The following SHC3 variants were observed in gnomAD, a reference collection of about 807,000 sequenced individuals.
The protein encoded by SHC3 is SHC adaptor protein 3.
SHC3 carries 15 observed loss-of-function variants against 60.4 expected under a neutral mutation model. That is an observed-to-expected ratio of 0.25 (90% CI 0.17 to 0.38). The LOEUF (loss-of-function observed/expected upper bound fraction) is 0.38. Ranked by LOEUF, SHC3 falls within the 10% of genes least tolerant of loss-of-function variation. The pLI is 1.00. For synonymous variants in SHC3, 294 were observed against 325.9 expected (o/e 0.90, Z 1.05); for missense variants, 677 against 786.1 (o/e 0.86, Z 1.66).
chr9:89,113,375 T>C (rs903520115), intron 1 of SHC3, among the ~76,000 whole-genome samples: 11 of 152,104 alleles, frequency 7.2e-5, no homozygotes, highest in Admixed American at 5.2e-4. Context: ...TTTAGATAAA[T>C]GCCTTAGATT....
chr9:89,164,883 T>C (rs993866017), intron 1 of SHC3, among the ~76,000 whole-genome samples: 7 of 152,036 alleles, frequency 4.6e-5, no homozygotes, highest in East Asian at 1.9e-4. Flanking sequence ...ACCAATAGAA[T>C]TGATAACTGC....
At chr9:89,131,820 C>G (rs1587744409) in intron 1 of SHC3, among the ~76,000 whole-genome samples, 1 of 152,134 alleles carries the variant, frequency 6.6e-6, no homozygotes, top group Non-Finnish European at 1.5e-5. Flanking sequence ...TAGGCAAAAA[C>G]TGGAAGCATT....
In SHC3 at chr9:89,090,201, C is replaced by T. The variant is rs1564135006; in HGVS notation, c.546-12298G>A. 2.0e-5 allele frequency among the ~76,000 whole-genome samples: 3 copies of T among 152,202 alleles called. 1 individual carries two copies. Among genetic ancestry groups the T allele is most frequent in the African/African-American group, 7.2e-5 (3 of 41,462 alleles). On this transcript the variant is annotated intron_variant, in intron 2 of 11. Coordinates refer to ENST00000375835, the MANE Select transcript of SHC3 (RefSeq NM_016848.6). Reference sequence around the variant, plus strand: ...AAATTTTATCTCCACCCATTTCTCTCTCCTCCAGAGGCAAAGAGAGTCCAG... The same window carrying T: ...AAATTTTATCTCCACCCATTTCTCTTTCCTCCAGAGGCAAAGAGAGTCCAG...
intron 1 of SHC3, among the ~76,000 whole-genome samples, chr9:89,123,620 G>A (rs544462889): frequency 5.9e-5 from 9 of 152,276 alleles, no homozygotes; most frequent in Admixed American, 1.3e-4. Context: ...CTAGAACTGC[G>A]GGGAGTACCG....
intron 2 of SHC3, among the ~76,000 whole-genome samples, chr9:89,086,587 A>G (rs1477736530): frequency 6.6e-6 from 1 of 152,124 alleles, no homozygotes; most frequent in Non-Finnish European, 1.5e-5. Context: ...GTTTTTATAG[A>G]GGCTTTGATC....
chr9:89,148,215 T>G lies in SHC3; in HGVS notation c.474+29772A>C, dbSNP rs370725766. 5.9e-5 allele frequency among the ~76,000 whole-genome samples: 9 copies of G among 152,352 alleles called. No homozygotes were observed. In the South Asian group the frequency reaches 1.9e-3, roughly 32 times the overall value. ...TGATTGCGTTTCTGTGAAATCAGTCTGGAATTTCGATATTTCGCGATTAAA... is the reference window on the plus strand; with the variant it reads ...TGATTGCGTTTCTGTGAAATCAGTCGGGAATTTCGATATTTCGCGATTAAA... On this transcript the variant is annotated intron_variant, in intron 1 of 11. Transcript: ENST00000375835.
At position 89,112,530 on chromosome 9, in the gene SHC3, A is replaced by C. The variant is rs369929613; in HGVS notation, c.545+26T>G. ...ATCCTTCCTTCAGAAGTAAAATCAC[A>C]GGAGTCCATTTTCAAGAGGGCTTAC... On this transcript the variant is annotated intron_variant, in intron 2 of 11. Transcript: ENST00000375835. 77 of 1,601,776 alleles carry C rather than the reference A, an allele frequency of 4.8e-5. No individual in the cohort carries two copies. In the South Asian group the frequency reaches 6.9e-4, roughly 14 times the overall value.
At chr9:89,060,482 G>A (rs577872331) in intron 6 of SHC3, among the ~76,000 whole-genome samples, 61 of 152,096 alleles carry the variant, frequency 4.0e-4, no homozygotes, top group African/African-American at 1.4e-3. Flanking sequence ...AGGGAGAGAA[G>A]TCCAGGAAGG....
chr9:89,022,841 C>G (rs1279166467), intron 11 of SHC3, among the ~76,000 whole-genome samples: 1 of 152,226 alleles, frequency 6.6e-6, no homozygotes, highest in Non-Finnish European at 1.5e-5. Context: ...TACCCCGAAG[C>G]CTGCCCTGAA....
At position 89,007,845 on chromosome 9, in the gene SHC3, C is replaced by G. The variant is rs936923155; in HGVS notation, c.*5602G>C. ...GTGGTCCTCATGTCCTGTTCTTGTT[C>G]TCTTTGTGCTGGATCTCACATCCTA... On this transcript the variant is annotated 3_prime_UTR_variant, in exon 12 of 12. Transcript: ENST00000375835. 6.6e-6 allele frequency: 1 copy of G among 152,222 alleles called. No individual in the cohort carries two copies. The highest frequency in any genetic ancestry group is 6.5e-5 in the Admixed American group (1 of 15,282). The allele number at this position is 152,222 out of a possible 1,614,324, so 9.4% of individuals were successfully genotyped here. A position where few individuals can be genotyped will look rare whatever the true frequency, so the allele number is the denominator to read the frequency against.
At chr9:89,033,176 C>T (rs1253215314) in intron 11 of SHC3, among the ~76,000 whole-genome samples, 2 of 152,082 alleles carry the variant, frequency 1.3e-5, no homozygotes, top group South Asian at 2.1e-4. Flanking sequence ...CAAATTCATA[C>T]CCTCTTTATC....
At chr9:89,120,126 G>A (rs562120537) in intron 1 of SHC3, among the ~76,000 whole-genome samples, 29 of 152,242 alleles carry the variant, frequency 1.9e-4, no homozygotes, top group Admixed American at 2.6e-4. Context: ...CGCTAAAATG[G>A]TTAAAGAGCC....
intron 2 of SHC3, among the ~76,000 whole-genome samples, chr9:89,090,134 A>G (rs1825599565): frequency 6.6e-6 from 1 of 152,180 alleles, no homozygotes; most frequent in Admixed American, 6.5e-5. Flanking sequence ...CCCTTACTCC[A>G]AGGTGGAGAT....
At chr9:89,132,925 A>G (rs1363345254) in intron 1 of SHC3, among the ~76,000 whole-genome samples, 1 of 152,174 alleles carries the variant, frequency 6.6e-6, no homozygotes, top group Non-Finnish European at 1.5e-5. Context: ...TAATTAAACT[A>G]AAGAGCTTTT....
intron 10 of SHC3, among the ~76,000 whole-genome samples, chr9:89,038,830 T>C (rs1824627718): frequency 6.6e-6 from 1 of 152,248 alleles, no homozygotes; most frequent in South Asian, 2.1e-4. Flanking sequence ...TGGGTTCCTC[T>C]TGTGTGACTT....
intron 2 of SHC3, among the ~76,000 whole-genome samples, chr9:89,080,955 A>G (rs975049815): frequency 1.3e-5 from 2 of 151,910 alleles, no homozygotes; most frequent in African/African-American, 4.8e-5. Flanking sequence ...TTTAGTAGAC[A>G]TGGGGTTTCA....
At chr9:89,072,487 G>A (rs1374288331) in intron 4 of SHC3, among the ~76,000 whole-genome samples, 2 of 151,912 alleles carry the variant, frequency 1.3e-5, no homozygotes, top group Admixed American at 6.6e-5. Context: ...CCAACTCGGC[G>A]CCATCTAAAG....
intron 1 of SHC3, among the ~76,000 whole-genome samples, chr9:89,154,274 C>A (rs1826590074): frequency 6.6e-6 from 1 of 151,770 alleles, no homozygotes; most frequent in African/African-American, 2.4e-5. Flanking sequence ...GACAATTTTT[C>A]TTCTTCCAAT....
intron 2 of SHC3, among the ~76,000 whole-genome samples, chr9:89,089,303 A>T (rs978906215): frequency 6.6e-6 from 1 of 152,352 alleles, no homozygotes; most frequent in Non-Finnish European, 1.5e-5. Context: ...CTTAGAAAGG[A>T]CCTGAGTGAG....
Sources: allele counts gnomAD v4.1 joint callset (sites outside exome capture counted in the v4.1 genomes callset), GRCh38; gene constraint gnomAD v4.1.1; transcripts MANE v1.5; gene names NCBI Gene and HGNC (gene_info 2026-07-23, HGNC 2026-07-21).